Variants in H2BC18 observed in about 807,000 individuals in gnomAD.
H2BC18 encodes histone H2B type 2-F.
H2BC18 carries 8 observed loss-of-function variants against 6.3 expected under a neutral mutation model. The observed-to-expected ratio is 1.28, with a 90% CI of 0.75 to 2.31. The LOEUF (loss-of-function observed/expected upper bound fraction) is 2.31. Among genes scored for constraint, H2BC18 ranks in the 30% most tolerant of loss-of-function variants. H2BC18 has a pLI of 0.00. For missense variants in H2BC18, 106 were observed against 174.5 expected, an observed-to-expected ratio of 0.61 and a Z score of 2.21; for synonymous variants, 104 against 78.1, an observed-to-expected ratio of 1.33 and a Z score of -1.75.
At chr1:149,782,932 G>A (rs1553750393) in exon 2 of H2BC18, 2 of 1,483,510 alleles carry the variant, frequency 1.3e-6, no homozygotes, top group Non-Finnish European at 1.9e-6. Flanking sequence ...TTTATGAAAA[G>A]GATGGGAAGG....
rs1553754563 is a variant in H2BC18, at chr1:149,812,087, G to A, written c.237C>T (p.Ser79=). 2 of 1,614,282 alleles carry A rather than the reference G, an allele frequency of 1.2e-6. No individual in the cohort carries two copies. The highest frequency in any genetic ancestry group is 1.7e-6 in the Non-Finnish European group (2 of 1,180,056). The change falls in exon 1 of 1, where the codon TCC becomes TCT. Residue 79 remains serine (S), a synonymous_variant. Coordinates refer to ENST00000369167, the MANE Select transcript of H2BC18 (RefSeq NM_001024599.5). ...AGCGCTTGTTGTAGTGCGCCAGGCG[G>A]GACGCCTCTCCCGCGATGCGCTCGA... The part of the protein sequence containing the change: ...DIFERIAGEA[S]RLAHYNKRST...
intron 1 of H2BC18, chr1:149,786,936 G>T (rs1423432110): frequency 7.9e-5 from 12 of 151,952 alleles, no homozygotes; most frequent in African/African-American, 2.9e-4. Context: ...TTCTAATATT[G>T]CATGTGTGTT....
At chr1:149,782,704 A>G (rs1243440027) in exon 2 of H2BC18, 1 of 1,542,450 alleles carries the variant, frequency 6.5e-7, no homozygotes, top group Non-Finnish European at 8.9e-7. Context: ...AATATCTTGC[A>G]TGTTACAGAT....
intron 1 of H2BC18, chr1:149,790,474 T>A: frequency 6.9e-7 from 1 of 1,450,930 alleles, no homozygotes; most frequent in Non-Finnish European, 9.3e-7. Flanking sequence ...CAAGCAGGCC[T>A]TTCCATCCTT....
At chr1:149,807,630 A>T (rs1349033648), downstream of H2BC18, among the ~76,000 whole-genome samples, 1 of 151,144 alleles carries the variant, frequency 6.6e-6, no homozygotes, top group South Asian at 2.1e-4. Flanking sequence ...ACATGGTGAA[A>T]CCCCATTTCT....
chr1:149,808,465 G>A (rs1173972282), downstream of H2BC18, among the ~76,000 whole-genome samples: 2 of 151,838 alleles, frequency 1.3e-5, no homozygotes, highest in Admixed American at 6.6e-5. Flanking sequence ...TTATCTTTAT[G>A]CCAGTTTAAT....
chr1:149,806,471 C>G (rs2091917927), intron 1 of H2BC18, among the ~76,000 whole-genome samples: 1 of 152,018 alleles, frequency 6.6e-6, no homozygotes, highest in Non-Finnish European at 1.5e-5. Flanking sequence ...GCCTGTAGTC[C>G]CAGCTACTCG....
chr1:149,811,949 C>G lies in H2BC18; in HGVS notation c.375G>C (p.Ser125=), dbSNP rs146629595. 6.1e-3 allele frequency: 9,775 copies of G among 1,613,202 alleles called. 24 individuals are homozygous for G. The highest frequency in any genetic ancestry group is 7.6e-3 in the Non-Finnish European group (8,959 of 1,179,360). The change falls in exon 1 of 1, where the codon TCG becomes TCC. Residue 125 remains serine (S), a synonymous_variant. Transcript: ENST00000369167. ...GTKAVTKYTS[S]K is the part of the protein sequence containing the mutation. ...TTGCGTCCCTTGCACACTCTTACTT[C>G]GAGCTGGTGTACTTGGTGACCGCCT...
intron 1 of H2BC18, among the ~76,000 whole-genome samples, chr1:149,801,067 T>C (rs1405036990): frequency 4.6e-5 from 7 of 151,976 alleles, no homozygotes; most frequent in South Asian, 2.1e-4. Flanking sequence ...GCATGGGTAA[T>C]AGAGTGAGAC....
intron 1 of H2BC18, chr1:149,794,040 TGACG>T (rs782604128): frequency 6.5e-6 from 4 of 613,972 alleles, no homozygotes; most frequent in South Asian, 5.9e-5. Flanking sequence ...GGGAGGGGGC[TGACG>T]GTCCTCACTG....
chr1:149,784,126 A>G, intron 1 of H2BC18: 1 of 1,611,782 alleles, frequency 6.2e-7, no homozygotes, highest in Non-Finnish European at 8.5e-7. Context: ...TGGTTTCTCA[A>G]TGGCACAGCC....
At chr1:149,790,203 C>G (rs782164774) in intron 1 of H2BC18, 3 of 1,613,730 alleles carry the variant, frequency 1.9e-6, no homozygotes, top group East Asian at 4.5e-5. Context: ...CAAGACCCTG[C>G]GAGGCAGGAA....
At chr1:149,807,553 C>T (rs1470714034), downstream of H2BC18, among the ~76,000 whole-genome samples, 1 of 144,272 alleles carries the variant, frequency 6.9e-6, no homozygotes, top group Non-Finnish European at 1.5e-5. Context: ...CACCTGTAAT[C>T]CCAGCACTTT....
intron 1 of H2BC18, among the ~76,000 whole-genome samples, chr1:149,802,549 T>C (rs1356181213): frequency 6.6e-6 from 1 of 152,196 alleles, no homozygotes; most frequent in Non-Finnish European, 1.5e-5. Context: ...AGATAGATGA[T>C]AATAGATTAG....
chr1:149,799,391 A>C (rs1275326812), intron 1 of H2BC18, among the ~76,000 whole-genome samples: 1 of 152,238 alleles, frequency 6.6e-6, no homozygotes, highest in African/African-American at 2.4e-5. Context: ...CTGTGAATCT[A>C]GGTGAGGGTC....
chr1:149,805,494 C>T (rs2101485193), intron 1 of H2BC18: 1 of 152,308 alleles, frequency 6.6e-6, no homozygotes, highest in Admixed American at 6.5e-5. Context: ...GGCTTCTAAA[C>T]TGGTATGTGG....
chr1:149,787,109 T>C (rs1396432424), intron 1 of H2BC18: 3 of 152,232 alleles, frequency 2.0e-5, no homozygotes, highest in Non-Finnish European at 2.9e-5. Flanking sequence ...AAGATGGCAG[T>C]GTTTGGGCAG....
Position 149,812,353 on chromosome 1 carries a change from A to T in H2BC18, c.-30T>A. ...GCGCGAAAAAAGAGAAAAGAGACTTAAAGAAGTAATCCGAACTACCGCAAA... is the reference window on the plus strand; with the variant it reads ...GCGCGAAAAAAGAGAAAAGAGACTTTAAGAAGTAATCCGAACTACCGCAAA... On this transcript the variant is annotated 5_prime_UTR_variant, in exon 1 of 1. Transcript: ENST00000369167. 6.2e-7 allele frequency: 1 copy of T among 1,613,992 alleles called. No individual in the cohort carries two copies. The highest frequency in any genetic ancestry group is 8.5e-7 in the Non-Finnish European group (1 of 1,179,942).
At chr1:149,802,970 C>T (rs1259389773) in intron 1 of H2BC18, among the ~76,000 whole-genome samples, 3 of 152,224 alleles carry the variant, frequency 2.0e-5, no homozygotes, top group African/African-American at 7.2e-5. Flanking sequence ...GAGTCTTCCT[C>T]TCCTAGTCCA....
Sources: gnomAD v4.1 joint callset for allele counts (sites outside exome capture counted in the v4.1 genomes callset) on GRCh38, gnomAD v4.1.1 for gene constraint, MANE v1.5 for transcripts, NCBI Gene and HGNC (gene_info 2026-07-23, HGNC 2026-07-21) for gene names.